KCNJ4: variants seen among roughly 807,000 people sequenced by gnomAD.
KCNJ4 encodes potassium inwardly rectifying channel subfamily J member 4, also known as inward rectifier potassium channel 4.
In KCNJ4, 3 loss-of-function variants were observed where a neutral mutation model predicts 25.6. The ratio of observed to expected loss-of-function variants is 0.12; its 90% CI spans 0.05 to 0.30. The LOEUF (loss-of-function observed/expected upper bound fraction) is 0.30, where lower values mean the gene tolerates loss of function less well. Among genes scored for constraint, KCNJ4 ranks in the 10% least tolerant of loss-of-function variants. The pLI, the probability that KCNJ4 is intolerant of heterozygous loss-of-function variation, is 1.00. For missense variants in KCNJ4, 286 were observed against 666.8 expected (o/e 0.43, Z 6.29); for synonymous variants, 257 against 283.9 (o/e 0.91, Z 0.95).
At chr22:38,441,045 G>T (rs1012362085) in intron 1 of KCNJ4, among the ~76,000 whole-genome samples, 41 of 152,156 alleles carry the variant, frequency 2.7e-4, no homozygotes, top group African/African-American at 9.2e-4. Flanking sequence ...AAGGAGAGGG[G>T]GTCTTAGACC....
intron 1 of KCNJ4, among the ~76,000 whole-genome samples, chr22:38,440,004 T>G (rs919964529): frequency 2.0e-5 from 3 of 149,572 alleles, no homozygotes; most frequent in Non-Finnish European, 3.0e-5. Flanking sequence ...GGCAGGAGAA[T>G]GGCGTGAACC....
In KCNJ4 at chr22:38,427,461, G is replaced by A; in HGVS notation, c.672C>T (p.Ile224=). ...CGCCCTCCTGGGTCATGTAGGGCTT[G>A]ATGAGCTGGGCCCGCACGTGGGCCT... ...IVEAHVRAQL[I]KPYMTQEGEY... The change falls in exon 2 of 2, where the codon ATC becomes ATT. Residue 224 remains isoleucine (I), a synonymous_variant. Transcript: ENST00000303592. 1.9e-6 allele frequency: 3 copies of A among 1,612,856 alleles called. No individual in the cohort carries two copies. The highest frequency in any genetic ancestry group is 2.5e-6 in the Non-Finnish European group (3 of 1,179,226).
intron 1 of KCNJ4, among the ~76,000 whole-genome samples, chr22:38,441,364 A>G (rs1411823982): frequency 1.3e-5 from 2 of 152,198 alleles, no homozygotes; most frequent in African/African-American, 4.8e-5. Flanking sequence ...GGGAAGTTGC[A>G]GCAGAGGTGA....
At chr22:38,436,637 C>T (rs769988728) in intron 1 of KCNJ4, among the ~76,000 whole-genome samples, 11 of 152,208 alleles carry the variant, frequency 7.2e-5, no homozygotes, top group Non-Finnish European at 1.5e-4. Context: ...TACACCTAGC[C>T]CCTCCCTCAC....
At chr22:38,436,314 C>T (rs1227263382) in intron 1 of KCNJ4, among the ~76,000 whole-genome samples, 1 of 152,180 alleles carries the variant, frequency 6.6e-6, no homozygotes, top group African/African-American at 2.4e-5. Flanking sequence ...TGCAGCATCC[C>T]AGAGCCTGCC....
rs537924873 is a variant in KCNJ4, at chr22:38,433,292, CA to C, written c.-39-5122del. The stretch of plus-strand genomic sequence containing the variant: ...GAGAAAACTGTTTCTACTAAAAATA[CA>C]AAACTAGCCAGGTGTGGTGGTGTGT... On this transcript the variant is annotated intron_variant, in intron 1 of 1. Coordinates refer to ENST00000303592, the MANE Select transcript of KCNJ4 (RefSeq NM_152868.3). 5.5e-3 allele frequency among the ~76,000 whole-genome samples: 829 copies of C among 151,124 alleles called. 5 individuals carry two copies. Among genetic ancestry groups the C allele is most frequent in the Non-Finnish European group, 6.5e-3 (444 of 67,812 alleles).
intron 1 of KCNJ4, among the ~76,000 whole-genome samples, chr22:38,454,762 G>C (rs919379757): frequency 5.3e-5 from 8 of 152,030 alleles, no homozygotes; most frequent in Admixed American, 2.6e-4. Context: ...AACCCAGACC[G>C]CGACGCTCCC....
chr22:38,443,511 C>T lies in KCNJ4; in HGVS notation c.-40+11469G>A, dbSNP rs1427415360. On this transcript the variant is annotated intron_variant, in intron 1 of 1. Transcript: ENST00000303592. The surrounding 1 kb of genome is among the most constrained non-coding windows in gnomAD (Gnocchi z 4.1). Reference sequence around the variant, plus strand: ...CAGTCTGTGACTCCTCCCAGGAGGTCGCTCAGGCCTGACACCTAGGCATCA... The same window carrying T: ...CAGTCTGTGACTCCTCCCAGGAGGTTGCTCAGGCCTGACACCTAGGCATCA... Among the ~76,000 whole-genome samples, 1 of 152,172 alleles carries T rather than the reference C, an allele frequency of 6.6e-6. No individual in the cohort carries two copies. Among genetic ancestry groups the T allele is most frequent in the African/African-American group, 2.4e-5 (1 of 41,442 alleles).
At chr22:38,441,547 G>A (rs1478849766) in intron 1 of KCNJ4, among the ~76,000 whole-genome samples, 1 of 152,128 alleles carries the variant, frequency 6.6e-6, no homozygotes, top group African/African-American at 2.4e-5. Context: ...GGTGGGGGGT[G>A]TCTCCCAGAA....
chr22:38,452,986 C>A (rs1185472665), intron 1 of KCNJ4, among the ~76,000 whole-genome samples: 3 of 151,784 alleles, frequency 2.0e-5, no homozygotes. Context: ...CTCAGTGGTC[C>A]CCGCAGAGGG....
chr22:38,452,799 G>C (rs1208764152), intron 1 of KCNJ4, among the ~76,000 whole-genome samples: 4 of 151,674 alleles, frequency 2.6e-5, no homozygotes, highest in African/African-American at 7.3e-5. Context: ...CCTGGCCCTG[G>C]GGCCTCCCCT....
intron 1 of KCNJ4, among the ~76,000 whole-genome samples, chr22:38,438,703 AAAAGAAAGAAAG>A (rs35066342): frequency 1.1e-3 from 162 of 148,816 alleles, no homozygotes; most frequent in African/African-American, 3.8e-3. Context: ...AAAAAAGAAA[AAAAGAAAGAAAG>A]AAAGAAAGAA....
chr22:38,448,538 C>T (rs551806696), intron 1 of KCNJ4, among the ~76,000 whole-genome samples: 1 of 152,266 alleles, frequency 6.6e-6, no homozygotes, highest in Non-Finnish European at 1.5e-5. Context: ...TCGCTCCGAT[C>T]TGGGGATTTT....
Position 38,434,553 on chromosome 22 carries a change from G to C in KCNJ4, c.-39-6382C>G, listed in dbSNP as rs563000055. 3.9e-5 allele frequency among the ~76,000 whole-genome samples: 6 copies of C among 152,260 alleles called. No homozygotes were observed. In the South Asian group the frequency reaches 1.2e-3, roughly 32 times the overall value. ...TGAGCTTGAGCTGGAAATCTAACTTGAGTCTGACTAGCTCCAGGTCCTTGG... is the reference window on the plus strand; with the variant it reads ...TGAGCTTGAGCTGGAAATCTAACTTCAGTCTGACTAGCTCCAGGTCCTTGG... On this transcript the variant is annotated intron_variant, in intron 1 of 1. Coordinates refer to ENST00000303592, the MANE Select transcript of KCNJ4 (RefSeq NM_152868.3).
chr22:38,445,391 C>T (rs550659038), intron 1 of KCNJ4, among the ~76,000 whole-genome samples: 47 of 152,020 alleles, frequency 3.1e-4, no homozygotes, highest in South Asian at 1.3e-3. Context: ...TCTATCAGGG[C>T]GCCTCCTGGA....
At chr22:38,429,047 G>A (rs2093041192) in intron 1 of KCNJ4, among the ~76,000 whole-genome samples, 1 of 137,338 alleles carries the variant, frequency 7.3e-6, no homozygotes, top group Admixed American at 8.2e-5. Context: ...TCATGCCACT[G>A]AACTCCAACC....
rs529540599 is a variant in KCNJ4 at position 38,449,181 on chromosome 22, A to G, written c.-40+5799T>C. Among the ~76,000 whole-genome samples the G allele has an allele frequency of 6.6e-6, 1 of 152,234 alleles. No homozygotes were observed. Among genetic ancestry groups the G allele is most frequent in the African/African-American group, 2.4e-5 (1 of 41,550 alleles). On this transcript the variant is annotated intron_variant, in intron 1 of 1. Coordinates refer to ENST00000303592, the MANE Select transcript of KCNJ4 (RefSeq NM_152868.3). This position sits in a 1 kb window ranked among gnomAD's most constrained non-coding sequence, Gnocchi z 5.2. ...AGTGGCTGAGCTGTTGCATGGAAGG[A>G]AAGGGGAGGCCTAGGCTGGCAGACA...
chr22:38,454,948 G>C (rs1469330736), intron 1 of KCNJ4, 32 bp downstream of exon 1: 4 of 151,844 alleles, frequency 2.6e-5, no homozygotes, highest in Non-Finnish European at 5.9e-5. Flanking sequence ...CAAACTGACG[G>C]ACAGCGCCCG....
intron 1 of KCNJ4, among the ~76,000 whole-genome samples, chr22:38,429,165 A>T (rs1263014301): frequency 6.6e-6 from 1 of 151,220 alleles, no homozygotes; most frequent in Non-Finnish European, 1.5e-5. Flanking sequence ...CCTTTCTTAG[A>T]CTCTTCTCTC....
Sources: gnomAD v4.1 joint callset for allele counts (sites outside exome capture counted in the v4.1 genomes callset) on GRCh38, gnomAD v4.1.1 for gene constraint, Gnocchi (gnomAD v3.1) non-coding constraint, MANE v1.5 for transcripts, NCBI Gene and HGNC (gene_info 2026-07-23, HGNC 2026-07-21) for gene names.